Variants in LRP5 observed in about 807,000 individuals in gnomAD.
The protein encoded by LRP5 is LDL receptor related protein 5, also known as low-density lipoprotein receptor-related protein 5.
A neutral mutation model predicts 154.1 loss-of-function variants in LRP5; 62 were observed. The observed-to-expected ratio is 0.40, with a 90% CI of 0.33 to 0.50. The LOEUF is 0.50. Ranked by LOEUF, LRP5 falls within the 20% of genes least tolerant of loss-of-function variation. The pLI, the probability that LRP5 is intolerant of heterozygous loss-of-function variation, is 0.55. For synonymous variants in LRP5, 966 were observed against 1,011.5 expected (o/e 0.96, Z 0.85); for missense variants, 1,915 against 2,336.7 (o/e 0.82, Z 3.72).
rs2153168245 is a variant in LRP5 at position 68,413,984 on chromosome 11, C to T, written c.2799C>T (p.Thr933=). The T allele has an allele frequency of 1.2e-6, 2 of 1,605,662 alleles. No homozygotes were observed. Among genetic ancestry groups the T allele is most frequent in the Admixed American group, 1.7e-5 (1 of 60,002 alleles). The part of the protein sequence containing the change: ...GHRCGCASHY[T]LDPSSRNCSP... Reference sequence around the variant, plus strand: ...GCTGCGGCTGCGCCTCACACTACACCCTGGACCCCAGCAGCCGCAACTGCA... The same window carrying T: ...GCTGCGGCTGCGCCTCACACTACACTCTGGACCCCAGCAGCCGCAACTGCA... The change falls in exon 12 of 23, where the codon ACC becomes ACT. Residue 933 remains threonine, a synonymous_variant. Coordinates refer to ENST00000294304, the MANE Select transcript of LRP5 (RefSeq NM_002335.4). The surrounding 1 kb of genome is among the most constrained non-coding windows in gnomAD (Gnocchi z 5.1).
At position 68,411,629 on chromosome 11, in the gene LRP5, C is replaced by A. The variant is rs754697215; in HGVS notation, c.2503+9C>A. On this transcript the variant is annotated intron_variant, in intron 11 of 22. Transcript: ENST00000294304. ...GTCGTCCAACATGCTGGGTGAGGGCCGGGCTGGGGCCTTCTGGTCATGGAG... is the reference window on the plus strand; with the variant it reads ...GTCGTCCAACATGCTGGGTGAGGGCAGGGCTGGGGCCTTCTGGTCATGGAG... 3.7e-6 allele frequency: 6 copies of A among 1,604,478 alleles called. No individual in the cohort carries two copies. Among genetic ancestry groups the A allele is most frequent in the Non-Finnish European group, 5.1e-6 (6 of 1,175,250 alleles).
At chr11:68,368,019 C>T (rs2153141791) in intron 5 of LRP5, among the ~76,000 whole-genome samples, 1 of 147,312 alleles carries the variant, frequency 6.8e-6, no homozygotes, top group East Asian at 2.0e-4. Flanking sequence ...GAGCCAAGAT[C>T]ATGCCGCTAT....
chr11:68,418,857 G>A (rs1194289080), intron 13 of LRP5, among the ~76,000 whole-genome samples: 5 of 152,308 alleles, frequency 3.3e-5, no homozygotes, highest in Admixed American at 3.3e-4. Flanking sequence ...AGAGAGGGAC[G>A]TGTTAATTGA....
intron 1 of LRP5, among the ~76,000 whole-genome samples, chr11:68,331,760 TGTG>T (rs1591183404): frequency 6.6e-6 from 1 of 151,744 alleles, no homozygotes; most frequent in East Asian, 1.9e-4. Context: ...TGTGTGTGTG[TGTG>T]TGTGTGTGTG....
intron 5 of LRP5, 119 bp downstream of exon 5, chr11:68,365,821 G>C: frequency 9.5e-7 from 1 of 1,050,082 alleles, no homozygotes; most frequent in Non-Finnish European, 1.4e-6. Flanking sequence ...TGATCCACTT[G>C]GCGGGTGTGG....
chr11:68,347,837 T>G lies in LRP5; in HGVS notation c.92-10T>G, dbSNP rs1591204096. 2 of 1,612,952 alleles carry G rather than the reference T, an allele frequency of 1.2e-6. No individual in the cohort carries two copies. Among genetic ancestry groups the G allele is most frequent in the Non-Finnish European group, 1.7e-6 (2 of 1,179,974 alleles). ...GCCAGTGGCCCTCACGGTTTGCTTC[T>G]GCCCCACAGCCTCGCCGCTCCTGCT... On this transcript the variant is annotated splice_polypyrimidine_tract_variant and intron_variant, in intron 1 of 22. Transcript: ENST00000294304.
chr11:68,390,914 T>G (rs2098645944), intron 7 of LRP5, among the ~76,000 whole-genome samples: 1 of 152,280 alleles, frequency 6.6e-6, no homozygotes, highest in South Asian at 2.1e-4. Context: ...GGCAGCTTTT[T>G]GCTCACCTGT....
rs1434140240 is a variant in LRP5, at chr11:68,388,360, C to G, written c.1413-1521C>G. On this transcript the variant is annotated intron_variant, in intron 6 of 22. Coordinates refer to ENST00000294304, the MANE Select transcript of LRP5 (RefSeq NM_002335.4). ...AAAGGAAGGGATGGGGAAGCTGACT[C>G]CAAGGCCCCTCCTAGCCCTGGTTTC... Among the ~76,000 whole-genome samples, 3 of 152,114 alleles carry G rather than the reference C, an allele frequency of 2.0e-5. No homozygotes were observed. In the East Asian group the frequency reaches 5.8e-4, roughly 29 times the overall value.
chr11:68,386,644 C>T lies in LRP5; in HGVS notation c.1344C>T (p.Thr448=). 6.2e-7 allele frequency: 1 copy of T among 1,613,636 alleles called. No individual in the cohort carries two copies. Among genetic ancestry groups the T allele is most frequent in the Non-Finnish European group, 8.5e-7 (1 of 1,179,942 alleles). The change falls in exon 6 of 23, where the codon ACC becomes ACT. Residue 448 remains threonine (T), a synonymous_variant. Transcript: ENST00000294304. The surrounding 1 kb of genome is among the most constrained non-coding windows in gnomAD (Gnocchi z 7.9). ...TCGAGGTGACGCGCCTCAACGGCAC[C>T]TCCCGCAAGATCCTGGTGTCGGAGG... is the stretch of plus-strand genomic sequence containing the variant. ...DRIEVTRLNG[T]SRKILVSEDL...
At chr11:68,354,551 C>T (rs147205163) in intron 2 of LRP5, among the ~76,000 whole-genome samples, 339 of 152,308 alleles carry the variant, frequency 2.2e-3, no homozygotes, top group Non-Finnish European at 2.5e-3. Flanking sequence ...GGGGTGGGGA[C>T]GTGCAGGTAA....
At chr11:68,420,966 C>T (rs891386518) in intron 13 of LRP5, among the ~76,000 whole-genome samples, 1 of 152,294 alleles carries the variant, frequency 6.6e-6, no homozygotes, top group Non-Finnish European at 1.5e-5. Context: ...GTGGCTCACG[C>T]CTGTAATCCC....
At chr11:68,419,069 G>A (rs533458607) in intron 13 of LRP5, among the ~76,000 whole-genome samples, 10 of 152,044 alleles carry the variant, frequency 6.6e-5, no homozygotes, top group Admixed American at 2.0e-4. Flanking sequence ...CAGCCTCCCC[G>A]CTCTGTGGAC....
At chr11:68,439,671 G>A in intron 20 of LRP5, 106 bp from the exon 21 acceptor site, 1 of 1,237,488 alleles carries the variant, frequency 8.1e-7, no homozygotes, top group Non-Finnish European at 1.2e-6. Flanking sequence ...CACCGCCCTG[G>A]TCTGAGTCTC....
At chr11:68,313,746 G>A (rs1393586887) in intron 1 of LRP5, among the ~76,000 whole-genome samples, 1 of 152,286 alleles carries the variant, frequency 6.6e-6, no homozygotes, top group African/African-American at 2.4e-5. Context: ...GGCCGCAAGT[G>A]CCTGTGCACG....
chr11:68,368,598 G>A (rs2098632362), intron 5 of LRP5, among the ~76,000 whole-genome samples: 1 of 152,168 alleles, frequency 6.6e-6, no homozygotes, highest in Non-Finnish European at 1.5e-5. Flanking sequence ...CCCGGCTCGT[G>A]TGTTTGAGAA....
At chr11:68,412,668 A>C (rs2098660275) in intron 11 of LRP5, among the ~76,000 whole-genome samples, 1 of 151,516 alleles carries the variant, frequency 6.6e-6, no homozygotes, top group Admixed American at 6.6e-5. Flanking sequence ...AAGAAGAAAA[A>C]GAAGCTCTGA....
chr11:68,370,315 AG>A (rs1434083012), intron 5 of LRP5, among the ~76,000 whole-genome samples: 1 of 152,084 alleles, frequency 6.6e-6, no homozygotes, highest in African/African-American at 2.4e-5. Context: ...GGCCCAGAGC[AG>A]CCCTGGGGAG....
chr11:68,393,561 A>G (rs962980666), intron 7 of LRP5, among the ~76,000 whole-genome samples: 32 of 152,088 alleles, frequency 2.1e-4, no homozygotes, highest in Admixed American at 1.3e-4. Context: ...CGGGCGGATC[A>G]CCTGAGGTCA....
intron 1 of LRP5, among the ~76,000 whole-genome samples, chr11:68,333,965 C>T (rs754636121): frequency 4.6e-5 from 7 of 152,144 alleles, no homozygotes; most frequent in East Asian, 1.9e-4. Flanking sequence ...AGACCAGGCG[C>T]GGTGGCTCAC....
Sources: allele counts gnomAD v4.1 joint callset (sites outside exome capture counted in the v4.1 genomes callset), GRCh38; gene constraint gnomAD v4.1.1; non-coding constraint Gnocchi (gnomAD v3.1); transcripts MANE v1.5; gene names NCBI Gene and HGNC (gene_info 2026-07-23, HGNC 2026-07-21).